The following UNC5D variants were observed in gnomAD, a reference collection of about 807,000 sequenced individuals.
UNC5D encodes the protein unc-5 netrin receptor D.
UNC5D carries 39 observed loss-of-function variants against 105.4 expected under a neutral mutation model. That is an observed-to-expected ratio of 0.37 (90% CI 0.29 to 0.48). The LOEUF (loss-of-function observed/expected upper bound fraction) is 0.48, where lower values mean the gene tolerates loss of function less well. Among genes scored for constraint, UNC5D ranks in the 20% least tolerant of loss-of-function variants. The pLI, the probability that UNC5D is intolerant of heterozygous loss-of-function variation, is 0.98. For synonymous variants in UNC5D, 452 were observed against 450.4 expected (o/e 1.00, Z -0.04); for missense variants, 991 against 1,202.4 (o/e 0.82, Z 2.60).
chr8:35,657,080 G>GTGTA (rs1281641556), intron 4 of UNC5D, among the ~76,000 whole-genome samples: 151 of 46,476 alleles, frequency 3.2e-3, no homozygotes, highest in Non-Finnish European at 4.1e-3. Context: ...GTGTGTGTGT[G>GTGTA]TATATATATA....
At chr8:35,641,385 A>AG (rs1491536625) in intron 4 of UNC5D, among the ~76,000 whole-genome samples, 1 of 147,860 alleles carries the variant, frequency 6.8e-6, no homozygotes, top group Non-Finnish European at 1.5e-5. Context: ...AAAAAAAAAA[A>AG]GAAAAAAAAA....
At chr8:35,395,141 G>A (rs564980095) in intron 1 of UNC5D, among the ~76,000 whole-genome samples, 43 of 152,308 alleles carry the variant, frequency 2.8e-4, no homozygotes, top group Middle Eastern at 3.4e-3. Context: ...TGTGTTAAGT[G>A]CTTTGGGAAC....
At chr8:35,245,965 C>A (rs1367393431) in intron 1 of UNC5D, among the ~76,000 whole-genome samples, 1 of 152,260 alleles carries the variant, frequency 6.6e-6, no homozygotes, top group Admixed American at 6.5e-5. Context: ...TGCTAACCAT[C>A]ACTTCACTCT....
At chr8:35,552,491 C>T (rs1413413250) in intron 2 of UNC5D, among the ~76,000 whole-genome samples, 1 of 152,210 alleles carries the variant, frequency 6.6e-6, no homozygotes, top group Non-Finnish European at 1.5e-5. Context: ...CCATGTGTAT[C>T]ATCCTATACA....
At chr8:35,449,332 G>T (rs568795716) in intron 1 of UNC5D, among the ~76,000 whole-genome samples, 3 of 151,854 alleles carry the variant, frequency 2.0e-5, no homozygotes, top group African/African-American at 7.3e-5. Context: ...GACCTTTCCC[G>T]TGGCACCTTC....
chr8:35,243,576 C>A (rs575224117), intron 1 of UNC5D, among the ~76,000 whole-genome samples: 2 of 152,064 alleles, frequency 1.3e-5, no homozygotes, highest in African/African-American at 4.8e-5. Context: ...TTGGCAGGAG[C>A]TACATATGCT....
chr8:35,449,456 T>C (rs1326612699), intron 1 of UNC5D, among the ~76,000 whole-genome samples: 2 of 152,156 alleles, frequency 1.3e-5, no homozygotes, highest in African/African-American at 4.8e-5. Flanking sequence ...TACTGACCTG[T>C]CCCGCCCCAT....
chr8:35,487,593 A>ACACACACACACACACACACACACACCCC (rs1415748793), intron 1 of UNC5D, among the ~76,000 whole-genome samples: 5 of 150,472 alleles, frequency 3.3e-5, no homozygotes, highest in African/African-American at 9.9e-5. Context: ...ACACACACAC[A>ACACACACACACACACACACACACACCCC]CCCCACAGAC....
chr8:35,735,274 G>A (rs1829408557), intron 11 of UNC5D, among the ~76,000 whole-genome samples: 1 of 142,330 alleles, frequency 7.0e-6, no homozygotes, highest in African/African-American at 2.6e-5. Flanking sequence ...GGAGAGAACT[G>A]GACCAGAAAA....
intron 1 of UNC5D, among the ~76,000 whole-genome samples, chr8:35,401,307 A>C (rs574220073): frequency 9.2e-5 from 14 of 152,180 alleles, no homozygotes; most frequent in African/African-American, 2.9e-4. Context: ...AACATAATGA[A>C]ATCCCGTCTC....
chr8:35,724,207 C>T lies in UNC5D; in HGVS notation c.1303+1812C>T, dbSNP rs1049967347. ...TGTAAATCTCTAAGACAATATTAGTCTTACCAAACTTACCTGACCATTTTG... is the reference window on the plus strand; with the variant it reads ...TGTAAATCTCTAAGACAATATTAGTTTTACCAAACTTACCTGACCATTTTG... On this transcript the variant is annotated intron_variant, in intron 9 of 16. Coordinates refer to ENST00000404895, the MANE Select transcript of UNC5D (RefSeq NM_080872.4). 9 of 1,511,724 alleles carry T rather than the reference C, an allele frequency of 6.0e-6. No individual in the cohort carries two copies. The African/African-American group carries it at 9.7e-5, about 16-fold the overall frequency. 93.6% of individuals were successfully genotyped at this position (1,511,724 alleles called of 1,614,324 possible). A position where few individuals can be genotyped will look rare whatever the true frequency, so the allele number is the denominator to read the frequency against.
intron 11 of UNC5D, among the ~76,000 whole-genome samples, chr8:35,747,122 T>C (rs1027495816): frequency 6.6e-6 from 1 of 152,210 alleles, no homozygotes; most frequent in African/African-American, 2.4e-5. Flanking sequence ...AAGACTGAAC[T>C]TTTTAAAGAC....
chr8:35,648,029 C>T (rs181736898), intron 4 of UNC5D, among the ~76,000 whole-genome samples: 15 of 152,238 alleles, frequency 9.9e-5, no homozygotes, highest in East Asian at 5.8e-4. Flanking sequence ...CTGATGGCTA[C>T]GCTGCACATC....
rs556642229 is a variant in UNC5D, at chr8:35,365,738, A to G, written c.103+129851A>G. On this transcript the variant is annotated intron_variant, in intron 1 of 16. Transcript: ENST00000404895. The stretch of plus-strand genomic sequence containing the variant: ...GGGGAAATGGGGAAGGGTATCACTG[A>G]ATAGGAATAGAATCCTGGTATTAAA... Among the ~76,000 whole-genome samples the G allele has an allele frequency of 3.3e-5, 5 of 152,264 alleles. No homozygotes were observed. In the South Asian group the frequency reaches 1.0e-3, roughly 32 times the overall value.
chr8:35,643,048 A>G (rs1822845874), intron 4 of UNC5D, among the ~76,000 whole-genome samples: 1 of 152,108 alleles, frequency 6.6e-6, no homozygotes, highest in African/African-American at 2.4e-5. Flanking sequence ...TTTCTTGTCT[A>G]TAGGAGAAGT....
chr8:35,349,222 C>T (rs1235801688), intron 1 of UNC5D, among the ~76,000 whole-genome samples: 1 of 151,880 alleles, frequency 6.6e-6, no homozygotes, highest in African/African-American at 2.4e-5. Flanking sequence ...ACACTAAAAC[C>T]TCACAAGTGG....
At chr8:35,565,253 AT>A (rs1470436514) in intron 2 of UNC5D, among the ~76,000 whole-genome samples, 1 of 152,086 alleles carries the variant, frequency 6.6e-6, no homozygotes, top group Non-Finnish European at 1.5e-5. Context: ...AACATCTATT[AT>A]TTTTTGACTT....
intron 8 of UNC5D, among the ~76,000 whole-genome samples, chr8:35,720,659 C>T (rs898838719): frequency 5.3e-5 from 8 of 152,154 alleles, no homozygotes; most frequent in South Asian, 2.1e-4. Context: ...CTGAGGCTGA[C>T]GTTTATCAAC....
intron 1 of UNC5D, among the ~76,000 whole-genome samples, chr8:35,358,746 TCTTTC>T (rs1801696251): frequency 6.6e-6 from 1 of 152,230 alleles, no homozygotes; most frequent in Admixed American, 6.5e-5. Context: ...CTATTCCAAC[TCTTTC>T]CTTATGAGAC....
Sources: allele counts gnomAD v4.1 joint callset (sites outside exome capture counted in the v4.1 genomes callset), GRCh38; gene constraint gnomAD v4.1.1; transcripts MANE v1.5; gene names NCBI Gene and HGNC (gene_info 2026-07-23, HGNC 2026-07-21).